SLC23A2: variants seen among roughly 807,000 people sequenced by gnomAD.
SLC23A2 encodes the protein Na(+)/L-ascorbic acid transporter 2.
A neutral mutation model predicts 73.3 loss-of-function variants in SLC23A2; 36 were observed. That is an observed-to-expected ratio of 0.49 (90% CI 0.38 to 0.65). SLC23A2 has a LOEUF of 0.65. Among genes scored for constraint, SLC23A2 ranks in the 30% least tolerant of loss-of-function variants. SLC23A2 has a pLI of 0.00. For missense variants in SLC23A2, 507 were observed against 841.6 expected, an observed-to-expected ratio of 0.60 and a Z score of 4.92; for synonymous variants, 343 against 327.3, an observed-to-expected ratio of 1.05 and a Z score of -0.52.
At chr20:4,963,375 C>G (rs970471075) in intron 2 of SLC23A2, among the ~76,000 whole-genome samples, 9 of 152,150 alleles carry the variant, frequency 5.9e-5, no homozygotes, top group Admixed American at 3.9e-4. Context: ...AGCAAGCCAC[C>G]AAGTCAGGAA....
At chr20:4,952,842 G>A (rs1165153565) in intron 2 of SLC23A2, among the ~76,000 whole-genome samples, 3 of 152,026 alleles carry the variant, frequency 2.0e-5, no homozygotes, top group Admixed American at 6.6e-5. Context: ...GATCAACATG[G>A]TGAAACTCCA....
At chr20:4,859,945 G>A (rs6052942) in intron 15 of SLC23A2, among the ~76,000 whole-genome samples, 1 of 152,000 alleles carries the variant, frequency 6.6e-6, no homozygotes, top group Admixed American at 6.6e-5. Context: ...CTTTCCATCC[G>A]GAAGATAGAA....
intron 4 of SLC23A2, among the ~76,000 whole-genome samples, chr20:4,908,250 T>C (rs1421822773): frequency 1.3e-5 from 2 of 152,170 alleles, no homozygotes; most frequent in Non-Finnish European, 1.5e-5. Context: ...GATATACACA[T>C]GGGTCTTGAG....
intron 13 of SLC23A2, among the ~76,000 whole-genome samples, chr20:4,865,386 A>G (rs1460663410): frequency 6.6e-6 from 1 of 152,198 alleles, no homozygotes; most frequent in Non-Finnish European, 1.5e-5. Flanking sequence ...GTAGGGAGGC[A>G]CTCAGGTGCC....
chr20:4,966,808 T>TGA (rs771360017), intron 2 of SLC23A2, among the ~76,000 whole-genome samples: 41 of 67,982 alleles, frequency 6.0e-4, no homozygotes, highest in East Asian at 1.7e-3. Context: ...TTTGATAGTT[T>TGA]TACACACACA....
chr20:4,858,158 G>A (rs1929812003), intron 16 of SLC23A2, among the ~76,000 whole-genome samples: 1 of 152,124 alleles, frequency 6.6e-6, no homozygotes, highest in African/African-American at 2.4e-5. Flanking sequence ...ATTTTAGCGT[G>A]TCTGGTGCTA....
chr20:4,930,656 T>C (rs1301971086), intron 3 of SLC23A2, among the ~76,000 whole-genome samples: 2 of 152,066 alleles, frequency 1.3e-5, no homozygotes, highest in Non-Finnish European at 2.9e-5. Context: ...CCATCTCTAC[T>C]AAAAATACAA....
At position 4,919,097 on chromosome 20, in the gene SLC23A2, C is replaced by G. The variant is rs145119461; in HGVS notation, c.109-6119G>C. On this transcript the variant is annotated intron_variant, in intron 3 of 16. Coordinates refer to ENST00000338244, the MANE Select transcript of SLC23A2 (RefSeq NM_005116.6). The stretch of plus-strand genomic sequence containing the variant: ...ATATTATTAGAAATTTCAAAATTAA[C>G]CACTATGAAAAATAAATTCAAGTGA... Among the ~76,000 whole-genome samples the G allele has an allele frequency of 1.6e-3, 242 of 152,332 alleles. 2 individuals are homozygous for G. The highest frequency in any genetic ancestry group is 5.5e-3 in the African/African-American group (229 of 41,580).
chr20:4,899,549 T>C lies in SLC23A2; in HGVS notation c.482+6A>G. On this transcript the variant is annotated splice_donor_region_variant and intron_variant, in intron 6 of 16. Coordinates refer to ENST00000338244, the MANE Select transcript of SLC23A2 (RefSeq NM_005116.6). This position sits in a 1 kb window ranked among gnomAD's most constrained non-coding sequence, Gnocchi z 4.9. ...TTGGCATCCCCCATTAGTACCCCAA[T>C]CTCACCTGCATCCAAACGTTGTCTG... 1 of 1,613,922 alleles carries C rather than the reference T, an allele frequency of 6.2e-7. No individual in the cohort carries two copies. Among genetic ancestry groups the C allele is most frequent in the Non-Finnish European group, 8.5e-7 (1 of 1,179,938 alleles).
At chr20:4,992,636 G>A (rs956015820) in intron 1 of SLC23A2, among the ~76,000 whole-genome samples, 7 of 150,228 alleles carry the variant, frequency 4.7e-5, no homozygotes, top group African/African-American at 1.2e-4. Flanking sequence ...TCAGCCTCCC[G>A]AGTAGCTGGG....
At chr20:5,003,674 C>G (rs1056309291), upstream of SLC23A2, among the ~76,000 whole-genome samples, 2 of 152,026 alleles carry the variant, frequency 1.3e-5, no homozygotes, top group African/African-American at 4.8e-5. Flanking sequence ...GTGTCTCCCT[C>G]TCCCTCTCTA....
At position 4,911,852 on chromosome 20, in the gene SLC23A2, A is replaced by AT. The variant is rs34423826; in HGVS notation, c.207+1027dup. Among the ~76,000 whole-genome samples the AT allele has an allele frequency of 4.5e-5, 6 of 133,056 alleles. 1 individual carries two copies. The South Asian group carries it at 1.5e-3, about 33-fold the overall frequency. 87.3% of individuals were successfully genotyped at this position (133,056 alleles called of 152,430 possible). The stretch of plus-strand genomic sequence containing the variant: ...TTTTTATTTATGAATTTATTTATTT[A>AT]TTTTTTTTAGAGACAGGGTCTTACT... On this transcript the variant is annotated intron_variant, in intron 4 of 16. Coordinates refer to ENST00000338244, the MANE Select transcript of SLC23A2 (RefSeq NM_005116.6).
At chr20:4,926,803 G>A (rs1932688941) in intron 3 of SLC23A2, among the ~76,000 whole-genome samples, 1 of 152,088 alleles carries the variant, frequency 6.6e-6, no homozygotes, top group Middle Eastern at 3.4e-3. Flanking sequence ...TTGTGTGGGT[G>A]TTTTGTTTTA....
chr20:4,994,014 C>T (rs1271991356), intron 1 of SLC23A2, among the ~76,000 whole-genome samples: 1 of 152,098 alleles, frequency 6.6e-6, no homozygotes, highest in African/African-American at 2.4e-5. Context: ...CTCTTGAGCC[C>T]GGGAGGCAGA....
At chr20:4,920,946 T>C (rs954936274) in intron 3 of SLC23A2, among the ~76,000 whole-genome samples, 1 of 152,108 alleles carries the variant, frequency 6.6e-6, no homozygotes, top group African/African-American at 2.4e-5. Context: ...TCCGCAGGAA[T>C]AAAGGGGCTA....
intron 6 of SLC23A2, among the ~76,000 whole-genome samples, chr20:4,887,788 C>A (rs1795466108): frequency 6.6e-6 from 1 of 152,220 alleles, no homozygotes; most frequent in Admixed American, 6.5e-5. Context: ...AGCCAGGCAA[C>A]ACCGCCTGAC....
chr20:4,880,977 C>A (rs551469768), intron 9 of SLC23A2, among the ~76,000 whole-genome samples: 18 of 152,276 alleles, frequency 1.2e-4, no homozygotes, highest in South Asian at 6.2e-4. Flanking sequence ...GCAAGGCTCG[C>A]AGAGGGTGGC....
At chr20:4,945,150 C>T (rs1295459484) in intron 2 of SLC23A2, among the ~76,000 whole-genome samples, 2 of 152,104 alleles carry the variant, frequency 1.3e-5, no homozygotes, top group Non-Finnish European at 2.9e-5. Context: ...ATTTAAAGCT[C>T]CAAGCAGCAA....
At chr20:4,926,510 C>CTTTTTTTTTTTTTTT (rs3055953) in intron 3 of SLC23A2, among the ~76,000 whole-genome samples, 1 of 105,048 alleles carries the variant, frequency 9.5e-6, no homozygotes, top group Non-Finnish European at 1.9e-5. Context: ...ATTTTTTTTG[C>CTTTTTTTTTTTTTTT]TTTTTTTTTT....
Sources: allele counts gnomAD v4.1 joint callset (sites outside exome capture counted in the v4.1 genomes callset), GRCh38; gene constraint gnomAD v4.1.1; non-coding constraint Gnocchi (gnomAD v3.1); transcripts MANE v1.5; gene names NCBI Gene and HGNC (gene_info 2026-07-23, HGNC 2026-07-21).